The following SLC39A14 variants were observed in gnomAD, a reference collection of about 807,000 sequenced individuals.
SLC39A14 encodes metal cation symporter ZIP14.
A neutral mutation model predicts 45.5 loss-of-function variants in SLC39A14; 19 were observed. The ratio of observed to expected loss-of-function variants is 0.42; its 90% confidence interval spans 0.29 to 0.61. The LOEUF (loss-of-function observed/expected upper bound fraction) is 0.61. SLC39A14 is among the 20% of genes least tolerant of loss of function. The probability of loss-of-function intolerance (pLI) is 0.22; values close to 1 mark genes in which losing one functional copy is unlikely to be tolerated. For missense variants in SLC39A14, 447 were observed against 616.5 expected, an observed-to-expected ratio of 0.73 and a Z score of 2.91; for synonymous variants, 264 against 251.3, an observed-to-expected ratio of 1.05 and a Z score of -0.48.
intron 3 of SLC39A14, chr8:22,409,794 G>A: frequency 2.7e-6 from 2 of 737,260 alleles, no homozygotes; most frequent in South Asian, 3.5e-5. Flanking sequence ...CGCAGCATCT[G>A]GTGAGAGATG....
intron 1 of SLC39A14, among the ~76,000 whole-genome samples, chr8:22,400,738 G>A (rs1303142636): frequency 1.3e-5 from 2 of 152,202 alleles, no homozygotes; most frequent in South Asian, 4.1e-4. Flanking sequence ...CCTAAAGCAT[G>A]TGATGTCCCT....
chr8:22,399,145 G>A (rs1834694738), intron 1 of SLC39A14, among the ~76,000 whole-genome samples: 1 of 152,270 alleles, frequency 6.6e-6, no homozygotes, highest in Admixed American at 6.5e-5. Flanking sequence ...TGACACCCTG[G>A]GGGGACTGGA....
At chr8:22,390,337 T>C (rs1057180889) in intron 1 of SLC39A14, 1 of 151,940 alleles carries the variant, frequency 6.6e-6, no homozygotes, top group Admixed American at 6.6e-5. Context: ...ACAGAGTCTT[T>C]CTCTGTCACC....
intron 1 of SLC39A14, among the ~76,000 whole-genome samples, chr8:22,395,074 A>G (rs1254988816): frequency 6.6e-6 from 1 of 151,730 alleles, no homozygotes; most frequent in African/African-American, 2.4e-5. Context: ...CAGTGGTGCA[A>G]TATTGGCTCA....
At chr8:22,406,398 G>C (rs976130452) in intron 2 of SLC39A14, among the ~76,000 whole-genome samples, 2 of 151,042 alleles carry the variant, frequency 1.3e-5, no homozygotes, top group South Asian at 2.1e-4. Flanking sequence ...TCAAAAGTTG[G>C]GGGGGAGGAG....
chr8:22,384,226 C>A (rs994776008), intron 1 of SLC39A14, among the ~76,000 whole-genome samples: 1 of 152,152 alleles, frequency 6.6e-6, no homozygotes, highest in Admixed American at 6.5e-5. Context: ...CAGGGAAACT[C>A]AAAATTTCCA....
intron 1 of SLC39A14, among the ~76,000 whole-genome samples, chr8:22,391,774 T>C (rs1199337704): frequency 1.3e-5 from 2 of 152,220 alleles, no homozygotes; most frequent in East Asian, 3.9e-4. Context: ...TTCACCACTT[T>C]GGCCAGGGTG....
chr8:22,383,689 C>G (rs1833635590), intron 1 of SLC39A14, among the ~76,000 whole-genome samples: 1 of 152,146 alleles, frequency 6.6e-6, no homozygotes, highest in South Asian at 2.1e-4. Context: ...GATGACAAGG[C>G]TTTGAGCCCT....
intron 1 of SLC39A14, among the ~76,000 whole-genome samples, chr8:22,384,427 C>T (rs576193590): frequency 1.3e-5 from 2 of 151,976 alleles, no homozygotes; most frequent in Non-Finnish European, 1.5e-5. Context: ...GTCCCCCACC[C>T]CACCTCACTT....
intron 1 of SLC39A14, among the ~76,000 whole-genome samples, chr8:22,397,905 T>A (rs1227216589): frequency 5.3e-5 from 8 of 152,126 alleles, no homozygotes; most frequent in African/African-American, 1.9e-4. Flanking sequence ...AAGAGAGTGG[T>A]GGGAGCTACC....
rs987499374 is a variant in SLC39A14, at chr8:22,412,836, C to T, written c.627+630C>T. ...GCGCACGCCTGTAATCCCAGCTATT[C>T]GGGAGGCACAAGAATCACTTGAACC... On this transcript the variant is annotated intron_variant, in intron 4 of 8. Transcript: ENST00000381237. 4.6e-5 allele frequency among the ~76,000 whole-genome samples: 7 copies of T among 152,076 alleles called. No individual in the cohort carries two copies. The South Asian group carries it at 6.2e-4, about 14-fold the overall frequency.
intron 1 of SLC39A14, among the ~76,000 whole-genome samples, chr8:22,381,491 C>T (rs1193358755): frequency 4.6e-5 from 7 of 151,882 alleles, no homozygotes; most frequent in African/African-American, 1.2e-4. Context: ...AGGATGGTCT[C>T]GATCTCCTGA....
At chr8:22,401,262 C>T (rs1834834801) in intron 1 of SLC39A14, among the ~76,000 whole-genome samples, 1 of 152,194 alleles carries the variant, frequency 6.6e-6, no homozygotes, top group African/African-American at 2.4e-5. Context: ...GCCACTCTGC[C>T]GCTGTTCCTC....
At chr8:22,426,315 C>T (rs889592480), downstream of SLC39A14, among the ~76,000 whole-genome samples, 7 of 152,242 alleles carry the variant, frequency 4.6e-5, no homozygotes, top group South Asian at 1.0e-3. Context: ...CCCACCTCAG[C>T]TCCCAATTAG....
At chr8:22,371,538 A>G (rs574528373) in intron 1 of SLC39A14, among the ~76,000 whole-genome samples, 39 of 147,456 alleles carry the variant, frequency 2.6e-4, no homozygotes, top group East Asian at 9.9e-4. Context: ...GGTTCAAGCA[A>G]TTCTCTGCCC....
At chr8:22,405,626 C>T (rs142434673) in intron 2 of SLC39A14, among the ~76,000 whole-genome samples, 19 of 151,926 alleles carry the variant, frequency 1.3e-4, no homozygotes, top group African/African-American at 3.2e-4. Flanking sequence ...GCTCCCAGGA[C>T]GGTATTTCTC....
chr8:22,429,831 C>T (rs186727819), intron 8 of SLC39A14, among the ~76,000 whole-genome samples: 8 of 152,284 alleles, frequency 5.3e-5, no homozygotes, highest in Admixed American at 4.6e-4. Context: ...CCAAGTGCTA[C>T]AGATAAATTA....
intron 8 of SLC39A14, among the ~76,000 whole-genome samples, chr8:22,431,572 G>A (rs756433901): frequency 1.3e-5 from 2 of 152,156 alleles, no homozygotes; most frequent in Non-Finnish European, 1.5e-5. Context: ...CAAGGTTTAG[G>A]AAGCGCTTAG....
chr8:22,414,670 T>A, intron 4 of SLC39A14, 110 bp from the exon 5 acceptor site: 1 of 1,189,494 alleles, frequency 8.4e-7, no homozygotes, highest in Non-Finnish European at 1.2e-6. Flanking sequence ...AGTTACTCCA[T>A]TATGCCTCTC....
Sources: gnomAD v4.1 joint callset for allele counts (sites outside exome capture counted in the v4.1 genomes callset) on GRCh38, gnomAD v4.1.1 for gene constraint, MANE v1.5 for transcripts, NCBI Gene and HGNC (gene_info 2026-07-23, HGNC 2026-07-21) for gene names.